Variants in NBEAL1 observed in about 807,000 individuals in gnomAD.
NBEAL1 encodes neurobeachin like 1.
NBEAL1 carries 273 observed loss-of-function variants against 351.3 expected under a neutral mutation model. The observed-to-expected ratio is 0.78, with a 90% CI of 0.70 to 0.86. NBEAL1 has a LOEUF of 0.86. Among genes scored for constraint, NBEAL1 ranks in the 40% least tolerant of loss-of-function variants. The pLI is 0.00. For missense variants in NBEAL1, 2,961 were observed against 3,201.3 expected, an observed-to-expected ratio of 0.92 and a Z score of 1.81; for synonymous variants, 1,050 against 1,086.4, an observed-to-expected ratio of 0.97 and a Z score of 0.66.
intron 19 of NBEAL1, among the ~76,000 whole-genome samples, chr2:203,122,999 T>C (rs904461999): frequency 6.6e-6 from 1 of 152,122 alleles, no homozygotes; most frequent in African/African-American, 2.4e-5. Flanking sequence ...TTAAATATAG[T>C]GTTTCCTTAA....
chr2:203,040,859 G>C (rs553395823), intron 2 of NBEAL1: 19 of 438,152 alleles, frequency 4.3e-5, no homozygotes, highest in Non-Finnish European at 7.9e-5. Flanking sequence ...CATGGCTATC[G>C]GGGTGAATGC....
intron 14 of NBEAL1, 44 bp from the exon 15 acceptor site, chr2:203,110,106 G>A: frequency 6.6e-7 from 1 of 1,521,350 alleles, no homozygotes; most frequent in Non-Finnish European, 8.8e-7. Flanking sequence ...TGATGAAACT[G>A]AACAACCAAC....
intron 41 of NBEAL1, among the ~76,000 whole-genome samples, chr2:203,173,383 A>G (rs184436699): frequency 6.6e-6 from 1 of 152,244 alleles, no homozygotes; most frequent in Non-Finnish European, 1.5e-5. Flanking sequence ...TTTCAAGGCA[A>G]GCTGCCCACA....
chr2:203,175,428 G>A (rs1305353816), intron 42 of NBEAL1, 141 bp downstream of exon 42: 1 of 799,422 alleles, frequency 1.3e-6, no homozygotes, highest in Non-Finnish European at 2.0e-6. Context: ...ACTAGTTTGA[G>A]AATGAGTCAC....
chr2:203,207,297 A>G (rs4491713), intron 51 of NBEAL1, among the ~76,000 whole-genome samples: 122,431 of 141,252 alleles, frequency 0.87, 53,746 homozygotes, highest in Non-Finnish European at 0.95. Flanking sequence ...TGGGGGGGTC[A>G]GCCCCCCGCC....
rs368639433 is a variant in NBEAL1 at position 203,144,894 on chromosome 2, A to T, written c.5143A>T (p.Ile1715Phe). ...YCNSNEWQVY[I>F]EKYIVPYMKQ... ...TAATTCAAATGAATGGCAAGTTTAC[A>T]TTGAAAAATATGTAAGTTTTATCTT... Residue 1715 changes from isoleucine to phenylalanine, a missense_variant, in exon 32 of 56, where the codon ATT (isoleucine) becomes TTT (phenylalanine). Physicochemically the swap from Ile to Phe is conservative, Grantham distance 21. Coordinates refer to ENST00000683969, the MANE Select transcript of NBEAL1 (RefSeq NM_001378026.1). The T allele has an allele frequency of 1.3e-6, 2 of 1,584,558 alleles. No individual in the cohort carries two copies. Among genetic ancestry groups the T allele is most frequent in the Admixed American group, 1.9e-5 (1 of 53,544 alleles).
chr2:203,212,131 C>T (rs2065804801), intron 54 of NBEAL1, among the ~76,000 whole-genome samples: 1 of 151,838 alleles, frequency 6.6e-6, no homozygotes, highest in Non-Finnish European at 1.5e-5. Context: ...AAGTGATCCA[C>T]CCACCTCAGC....
At chr2:203,160,282 T>C (rs1364308042) in intron 36 of NBEAL1, among the ~76,000 whole-genome samples, 2 of 152,114 alleles carry the variant, frequency 1.3e-5, no homozygotes, top group Non-Finnish European at 2.9e-5. Context: ...GATTTTGCCA[T>C]GTCGGCCAGG....
chr2:203,118,505 C>G (rs1018089617), intron 18 of NBEAL1, among the ~76,000 whole-genome samples: 1 of 152,094 alleles, frequency 6.6e-6, no homozygotes, highest in African/African-American at 2.4e-5. Flanking sequence ...TATTTTCATT[C>G]TCCACTATAT....
intron 7 of NBEAL1, among the ~76,000 whole-genome samples, chr2:203,075,879 C>G (rs2061762466): frequency 6.6e-6 from 1 of 152,146 alleles, no homozygotes; most frequent in African/African-American, 2.4e-5. Context: ...TAGCTGAAAG[C>G]CATGCGTAGT....
chr2:203,146,697 G>A (rs2063522128), intron 33 of NBEAL1, among the ~76,000 whole-genome samples: 1 of 152,108 alleles, frequency 6.6e-6, no homozygotes. Context: ...GGAGGCTGAT[G>A]TGGGAGGAAC....
intron 44 of NBEAL1, among the ~76,000 whole-genome samples, chr2:203,184,322 T>A (rs922673197): frequency 2.0e-5 from 3 of 152,026 alleles, no homozygotes; most frequent in Non-Finnish European, 2.9e-5. Context: ...TCCCAGCTAC[T>A]CAGGAGGCTG....
At chr2:203,191,184 T>C in intron 46 of NBEAL1, 2 of 1,562,428 alleles carry the variant, frequency 1.3e-6, no homozygotes, top group Non-Finnish European at 1.8e-6. Context: ...TCCTGGGGAC[T>C]GCCCAGTCTG....
Position 203,060,861 on chromosome 2 carries a change from C to G in NBEAL1, c.515+3408C>G, listed in dbSNP as rs553962115. Among the ~76,000 whole-genome samples, 5 of 152,270 alleles carry G rather than the reference C, an allele frequency of 3.3e-5. No homozygotes were observed. The South Asian group carries it at 8.3e-4, about 25-fold the overall frequency. On this transcript the variant is annotated intron_variant, in intron 6 of 55. Coordinates refer to ENST00000683969, the MANE Select transcript of NBEAL1 (RefSeq NM_001378026.1). ...TTGAAGTAATTGTTAAATTTGAAAA[C>G]ATTTCTGTATTTTCCAGACCACTGT...
chr2:203,041,931 T>C (rs1379210758), intron 3 of NBEAL1, 75 bp downstream of exon 3: 1 of 947,920 alleles, frequency 1.1e-6, no homozygotes, highest in African/African-American at 1.6e-5. Flanking sequence ...TGATGACATA[T>C]TACAAGGATG....
At chr2:203,110,946 A>T (rs1378824517) in intron 15 of NBEAL1, among the ~76,000 whole-genome samples, 1 of 151,630 alleles carries the variant, frequency 6.6e-6, no homozygotes, top group Non-Finnish European at 1.5e-5. Context: ...TTGTATTTTT[A>T]GTAGAGACAG....
chr2:203,087,090 CTTTTTTTT>C (rs1003638123), intron 10 of NBEAL1, among the ~76,000 whole-genome samples: 1 of 121,062 alleles, frequency 8.3e-6, no homozygotes, highest in African/African-American at 3.1e-5. Flanking sequence ...CTTTTTCACT[CTTTTTTTT>C]TTTTTTTTTT....
In NBEAL1 at chr2:203,126,050, T is replaced by C. The variant is rs78750758; in HGVS notation, c.2942T>C (p.Ile981Thr). 426 of 1,544,640 alleles carry C rather than the reference T, an allele frequency of 2.8e-4. 2 individuals carry two copies. In the East Asian group the frequency reaches 7.0e-3, roughly 25 times the overall value. ...QRHPINQGNL[I>T]HSHGVATLGA... ...CATCCTATCAACCAGGGCAATCTTATTCACTCCCATGGAGTTGCAACTCTT... is the reference window on the plus strand; with the variant it reads ...CATCCTATCAACCAGGGCAATCTTACTCACTCCCATGGAGTTGCAACTCTT... Residue 981 changes from isoleucine (I) to threonine (T), a missense_variant, in exon 21 of 56, where the codon ATT becomes ACT. Physicochemically the swap from Ile to Thr is moderately conservative, Grantham distance 89. Coordinates refer to ENST00000683969, the MANE Select transcript of NBEAL1 (RefSeq NM_001378026.1).
chr2:203,223,627 A>T lies in NBEAL1; in HGVS notation c.*6273A>T, dbSNP rs1006343040. On this transcript the variant is annotated 3_prime_UTR_variant, in exon 56 of 56. Transcript: ENST00000683969. ...TCAGCTACTTTTTAAAAGAAGTCCT[A>T]TTCCAATTGGACCTTTAAAATTTTT... 6.6e-6 allele frequency among the ~76,000 whole-genome samples: 1 copy of T among 152,082 alleles called. No individual in the cohort carries two copies. Among genetic ancestry groups the T allele is most frequent in the East Asian group, 1.9e-4 (1 of 5,202 alleles).
Sources: allele counts gnomAD v4.1 joint callset (sites outside exome capture counted in the v4.1 genomes callset), GRCh38; gene constraint gnomAD v4.1.1; transcripts MANE v1.5; gene names NCBI Gene and HGNC (gene_info 2026-07-23, HGNC 2026-07-21).